MAML3: variants seen among roughly 807,000 people sequenced by gnomAD.
MAML3 encodes the protein mastermind like transcriptional coactivator 3.
Under a neutral mutation model 101.9 loss-of-function variants are expected in MAML3, and 27 were observed. The ratio of observed to expected loss-of-function variants is 0.27; its 90% CI spans 0.20 to 0.37. The LOEUF (loss-of-function observed/expected upper bound fraction) is 0.37, where lower values mean the gene tolerates loss of function less well. MAML3 is among the 10% of genes least tolerant of loss of function. MAML3 has a pLI of 1.00. For synonymous variants in MAML3, 501 were observed against 555.9 expected, an observed-to-expected ratio of 0.90 and a Z score of 1.39; for missense variants, 1,316 against 1,444.9, an observed-to-expected ratio of 0.91 and a Z score of 1.45.
At chr4:139,928,225 A>T (rs1410469508) in intron 1 of MAML3, among the ~76,000 whole-genome samples, 1 of 152,184 alleles carries the variant, frequency 6.6e-6, no homozygotes, top group Non-Finnish European at 1.5e-5. Context: ...TTAACTTAGA[A>T]GATAGTTACA....
chr4:140,035,544 T>C (rs1726971500), intron 1 of MAML3, among the ~76,000 whole-genome samples: 1 of 152,178 alleles, frequency 6.6e-6, no homozygotes, highest in African/African-American at 2.4e-5. Flanking sequence ...ACGCCTGTAA[T>C]CCCAGCACTT....
rs1311122507 is a variant in MAML3, at chr4:139,719,947, C to G, written c.2793G>C (p.Gln931His). 1 of 1,613,964 alleles carries G rather than the reference C, an allele frequency of 6.2e-7. No individual in the cohort carries two copies. The highest frequency in any genetic ancestry group is 8.5e-7 in the Non-Finnish European group (1 of 1,179,922). ...VNSAITQQHP[Q>H]MKGPVGQALP... ...AGGCCTGGCCTACTGGCCCTTTCAT[C>G]TGTGGATGTTGCTGGGTAATGGCTG... The change falls in exon 5 of 5, where the codon CAG (glutamine) becomes CAC (histidine). Residue 931 changes from glutamine (Q) to histidine (H), a missense_variant. Gln to His is a conservative substitution (Grantham distance 24, BLOSUM62 0). Transcript: ENST00000509479.
intron 1 of MAML3, among the ~76,000 whole-genome samples, chr4:140,075,194 G>A (rs1272518176): frequency 6.6e-6 from 1 of 152,178 alleles, no homozygotes; most frequent in Non-Finnish European, 1.5e-5. Flanking sequence ...TGAAGTTTGG[G>A]AAATTTAAGC....
At chr4:139,968,215 G>T (rs1365633451) in intron 1 of MAML3, among the ~76,000 whole-genome samples, 1 of 151,026 alleles carries the variant, frequency 6.6e-6, no homozygotes. Flanking sequence ...GGAGGCTAAG[G>T]CATGAGAATC....
At chr4:139,849,192 A>C (rs900002129) in intron 2 of MAML3, among the ~76,000 whole-genome samples, 2 of 152,216 alleles carry the variant, frequency 1.3e-5, no homozygotes, top group Non-Finnish European at 2.9e-5. Flanking sequence ...AAGGGGAAAA[A>C]TAATGAACAA....
At chr4:139,988,048 A>C in intron 1 of MAML3, among the ~76,000 whole-genome samples, 1 of 133,728 alleles carries the variant, frequency 7.5e-6, no homozygotes, top group Admixed American at 7.4e-5. Context: ...AAAAAGGAAG[A>C]AAGAAGAAAC....
chr4:140,072,762 T>C (rs779770917), intron 1 of MAML3, among the ~76,000 whole-genome samples: 42 of 152,142 alleles, frequency 2.8e-4, no homozygotes, highest in Admixed American at 2.0e-3. Context: ...CATCCCTGGA[T>C]TTGGGTGTCT....
chr4:140,049,962 T>C (rs1727241206), intron 1 of MAML3, among the ~76,000 whole-genome samples: 1 of 152,190 alleles, frequency 6.6e-6, no homozygotes, highest in South Asian at 2.1e-4. Context: ...ATTAACTTTC[T>C]GGAGTGGAAA....
chr4:139,741,984 A>G (rs1250248508), intron 2 of MAML3, among the ~76,000 whole-genome samples: 1 of 152,186 alleles, frequency 6.6e-6, no homozygotes, highest in Non-Finnish European at 1.5e-5. Flanking sequence ...AAAGACTTGG[A>G]GACACACGGG....
At chr4:140,048,285 G>A (rs566431960) in intron 1 of MAML3, among the ~76,000 whole-genome samples, 2 of 152,292 alleles carry the variant, frequency 1.3e-5, no homozygotes, top group African/African-American at 4.8e-5. Context: ...AATTCAGCAA[G>A]AGGTTACAGG....
At chr4:139,813,965 A>C (rs62322633) in intron 2 of MAML3, among the ~76,000 whole-genome samples, 3 of 151,754 alleles carry the variant, frequency 2.0e-5, no homozygotes, top group Admixed American at 2.0e-4. Context: ...GAAAAAGCAA[A>C]AGTGGCAACA....
intron 2 of MAML3, among the ~76,000 whole-genome samples, chr4:139,755,483 C>T (rs1729627629): frequency 1.3e-5 from 2 of 152,098 alleles, no homozygotes; most frequent in African/African-American, 2.4e-5. Context: ...TGGTGGGCGC[C>T]TGTAGTCCCA....
intron 1 of MAML3, among the ~76,000 whole-genome samples, chr4:139,919,573 G>C (rs1221447612): frequency 6.6e-6 from 1 of 152,192 alleles, no homozygotes; most frequent in Non-Finnish European, 1.5e-5. Flanking sequence ...AGGCAGAAGT[G>C]AGAATCTCTG....
chr4:140,153,443 A>C lies in MAML3; in HGVS notation c.-116T>G. On this transcript the variant is annotated 5_prime_UTR_variant, in exon 1 of 5. Transcript: ENST00000509479. ...AGTGGAACGCGGGGGAGACGCAAGC[A>C]CATGGATGGAAACGGCGATCCCGAC... 8.3e-7 allele frequency: 1 copy of C among 1,207,616 alleles called. No homozygotes were observed. Among genetic ancestry groups the C allele is most frequent in the Non-Finnish European group, 1.1e-6 (1 of 934,456 alleles). 74.8% of individuals were successfully genotyped at this position (1,207,616 alleles called of 1,614,324 possible). A position where few individuals can be genotyped will look rare whatever the true frequency, so the allele number is the denominator to read the frequency against.
chr4:140,020,740 G>A (rs1726718921), intron 1 of MAML3, among the ~76,000 whole-genome samples: 1 of 152,154 alleles, frequency 6.6e-6, no homozygotes, highest in African/African-American at 2.4e-5. Flanking sequence ...ACCAGATACT[G>A]CTTGTTGGAC....
chr4:139,915,693 C>T (rs1025433499), intron 1 of MAML3, among the ~76,000 whole-genome samples: 2 of 151,864 alleles, frequency 1.3e-5, no homozygotes, highest in African/African-American at 4.8e-5. Flanking sequence ...GCAGCATTGG[C>T]GGGGGGGCGG....
chr4:140,017,218 A>G (rs9308048), intron 1 of MAML3, among the ~76,000 whole-genome samples: 60,388 of 151,974 alleles, frequency 0.4, 13,929 homozygotes, highest in East Asian at 0.65. Context: ...ATCATTAGCC[A>G]CCAGGGAAAT....
intron 1 of MAML3, among the ~76,000 whole-genome samples, chr4:140,056,674 G>T (rs945918517): frequency 4.6e-5 from 7 of 151,862 alleles, no homozygotes; most frequent in East Asian, 2.0e-4. Context: ...GCCAGGGGTG[G>T]TGGTGGGCGC....
At chr4:139,762,601 A>G (rs1423529271) in intron 2 of MAML3, among the ~76,000 whole-genome samples, 1 of 152,212 alleles carries the variant, frequency 6.6e-6, no homozygotes, top group African/African-American at 2.4e-5. Context: ...AAGGATATTC[A>G]AAGGACAGAA....
Sources: allele counts gnomAD v4.1 joint callset (sites outside exome capture counted in the v4.1 genomes callset), GRCh38; gene constraint gnomAD v4.1.1; transcripts MANE v1.5; gene names NCBI Gene and HGNC (gene_info 2026-07-23, HGNC 2026-07-21).